The following GLYATL2 variants were observed in gnomAD, a reference collection of about 807,000 sequenced individuals.
GLYATL2 encodes the protein glycine-N-acyltransferase like 2, also known as glycine N-acyltransferase-like protein 2.
A neutral mutation model predicts 21.4 loss-of-function variants in GLYATL2; 25 were observed. That is an observed-to-expected ratio of 1.17 (90% CI 0.85 to 1.63). GLYATL2 has a LOEUF of 1.63. GLYATL2 is among the 40% of genes most tolerant of loss of function. GLYATL2 has a pLI of 0.00. For synonymous variants in GLYATL2, 114 were observed against 118.2 expected, an observed-to-expected ratio of 0.96 and a Z score of 0.23; for missense variants, 361 against 343.3, an observed-to-expected ratio of 1.05 and a Z score of -0.41.
At chr11:58,903,775 T>G (rs1854784176) in intron 1 of GLYATL2, among the ~76,000 whole-genome samples, 1 of 152,220 alleles carries the variant, frequency 6.6e-6, no homozygotes, top group Non-Finnish European at 1.5e-5. Context: ...TGTCTTTTAT[T>G]TTGATCTATG....
In GLYATL2 at chr11:58,902,589, T is replaced by C. The variant is rs547594554; in HGVS notation, n.60+1567A>G. On this transcript the variant is annotated intron_variant and non_coding_transcript_variant, in intron 1 of 4. Coordinates refer to the GLYATL2 transcript ENST00000533636. ...TGAAGGAATCCCTTTCCATAAACAC[T>C]GGCCTTACTCCCTAACTTCACCAGA... Among the ~76,000 whole-genome samples the C allele has an allele frequency of 2.6e-5, 4 of 152,284 alleles. No homozygotes were observed. The East Asian group carries it at 5.8e-4, about 22-fold the overall frequency.
intron 1 of GLYATL2, among the ~76,000 whole-genome samples, chr11:58,865,721 G>T (rs1854012105): frequency 3.1e-5 from 1 of 31,982 alleles, no homozygotes; most frequent in African/African-American, 4.6e-5. Flanking sequence ...TGGTCACAAA[G>T]GATGAAGGAA....
intron 1 of GLYATL2, among the ~76,000 whole-genome samples, chr11:58,900,035 C>T (rs935731776): frequency 9.9e-5 from 15 of 152,104 alleles, no homozygotes; most frequent in African/African-American, 2.4e-5. Flanking sequence ...AGATCGAAAC[C>T]ATGCGGAGCA....
chr11:58,895,873 T>G (rs1854626109), intron 1 of GLYATL2, among the ~76,000 whole-genome samples: 1 of 150,456 alleles, frequency 6.6e-6, no homozygotes, highest in Non-Finnish European at 1.5e-5. Flanking sequence ...TTTTTTTTTT[T>G]GAAGGAGTCT....
At chr11:58,874,530 C>T (rs1445528441) in intron 1 of GLYATL2, among the ~76,000 whole-genome samples, 1 of 152,146 alleles carries the variant, frequency 6.6e-6, no homozygotes, top group Non-Finnish European at 1.5e-5. Flanking sequence ...TTATTTCTGC[C>T]TTCATTTCGT....
At chr11:58,843,080 A>T (rs1364277468) in intron 1 of GLYATL2, among the ~76,000 whole-genome samples, 2 of 152,108 alleles carry the variant, frequency 1.3e-5, no homozygotes, top group Middle Eastern at 6.4e-3. Context: ...TAATTTTGTT[A>T]TATGTTGTTT....
At chr11:58,881,305 T>C (rs939426443) in intron 1 of GLYATL2, among the ~76,000 whole-genome samples, 1 of 152,206 alleles carries the variant, frequency 6.6e-6, no homozygotes, top group Non-Finnish European at 1.5e-5. Context: ...GAGACAGAAC[T>C]GAAATTTGGA....
At chr11:58,900,515 A>G (rs1290943865) in intron 1 of GLYATL2, among the ~76,000 whole-genome samples, 3 of 152,310 alleles carry the variant, frequency 2.0e-5, no homozygotes, top group Non-Finnish European at 4.4e-5. Context: ...TGTCAGCACC[A>G]GAAATACCCG....
intron 1 of GLYATL2, among the ~76,000 whole-genome samples, chr11:58,898,528 T>A (rs1036779962): frequency 1.3e-5 from 2 of 151,860 alleles, no homozygotes; most frequent in Non-Finnish European, 2.9e-5. Context: ...CTGTTCCTAT[T>A]TGATTAGTTA....
At chr11:58,865,630 G>A (rs1854010432) in intron 1 of GLYATL2, among the ~76,000 whole-genome samples, 1 of 148,938 alleles carries the variant, frequency 6.7e-6, no homozygotes, top group Non-Finnish European at 1.5e-5. Flanking sequence ...TTAGTTTCTT[G>A]AGACTAGACA....
chr11:58,837,083 T>C lies in GLYATL2; in HGVS notation c.408A>G (p.Glu136=). 6.2e-7 allele frequency: 1 copy of C among 1,613,888 alleles called. No individual in the cohort carries two copies. The highest frequency in any genetic ancestry group is 1.1e-5 in the South Asian group (1 of 91,066). ...TTGAGGTCTTGTGTTTCTTTGGTAA[T>C]TCCGGTATAAAGAGGATGGTTTTCA... is the stretch of plus-strand genomic sequence containing the variant. ...DYMKTILFIP[E]LPKKHKTSSN... is the part of the protein sequence containing the mutation. The change falls in exon 5 of 6, where the codon GAA becomes GAG. Residue 136 remains glutamate (E), a synonymous_variant. Transcript: ENST00000287275.
intron 2 of GLYATL2, 62 bp from the exon 3 acceptor site, chr11:58,838,430 T>A: frequency 9.6e-7 from 1 of 1,039,316 alleles, no homozygotes; most frequent in Non-Finnish European, 1.5e-6. Context: ...GAGTCTTATA[T>A]GTGGAGAAAT....
At chr11:58,880,094 G>A (rs914241936) in intron 1 of GLYATL2, among the ~76,000 whole-genome samples, 2 of 152,040 alleles carry the variant, frequency 1.3e-5, no homozygotes, top group Non-Finnish European at 2.9e-5. Context: ...TCCTGACCTC[G>A]TGATCCGCCC....
chr11:58,850,525 A>G (rs1336068918), intron 1 of GLYATL2, among the ~76,000 whole-genome samples: 2 of 152,084 alleles, frequency 1.3e-5, no homozygotes, highest in Non-Finnish European at 2.9e-5. Context: ...CCCAGGAAAA[A>G]CCAGGCCATA....
intron 1 of GLYATL2, chr11:58,884,968 C>A: frequency 6.4e-6 from 1 of 156,506 alleles, no homozygotes; most frequent in South Asian, 1.9e-4. Flanking sequence ...GAATAATTGC[C>A]AGATGCTGCT....
intron 1 of GLYATL2, among the ~76,000 whole-genome samples, chr11:58,875,443 A>C (rs1244968824): frequency 1.3e-5 from 2 of 152,010 alleles, no homozygotes; most frequent in Admixed American, 6.6e-5. Context: ...GTTCCTTTCC[A>C]TGTTTAGTGC....
intron 1 of GLYATL2, among the ~76,000 whole-genome samples, chr11:58,842,514 G>C (rs1037448408): frequency 6.6e-6 from 1 of 151,294 alleles, no homozygotes; most frequent in African/African-American, 2.4e-5. Flanking sequence ...GTGTGTGTGT[G>C]TGTGTGCGCC....
chr11:58,849,553 A>C (rs1434854645), upstream of GLYATL2, among the ~76,000 whole-genome samples: 2 of 152,194 alleles, frequency 1.3e-5, no homozygotes, highest in African/African-American at 4.8e-5. Context: ...AGCTATACTA[A>C]AGTCTCTCAG....
chr11:58,868,408 T>G (rs1854056866), intron 1 of GLYATL2, among the ~76,000 whole-genome samples: 2 of 148,922 alleles, frequency 1.3e-5, no homozygotes, highest in South Asian at 2.2e-4. Flanking sequence ...TCCTTAGGTC[T>G]CCTGAGTTCC....
Sources: gnomAD v4.1 joint callset for allele counts (sites outside exome capture counted in the v4.1 genomes callset) on GRCh38, gnomAD v4.1.1 for gene constraint, MANE v1.5 for transcripts, NCBI Gene and HGNC (gene_info 2026-07-23, HGNC 2026-07-21) for gene names.